ROBO2: variants seen among roughly 807,000 people sequenced by gnomAD.
ROBO2 encodes roundabout guidance receptor 2.
A neutral mutation model predicts 160.8 loss-of-function variants in ROBO2; 53 were observed. The observed-to-expected ratio is 0.33, with a 90% CI of 0.26 to 0.41. ROBO2 has a LOEUF of 0.41. ROBO2 is among the 10% of genes least tolerant of loss of function. The pLI, the probability that ROBO2 is intolerant of heterozygous loss-of-function variation, is 1.00. For synonymous variants in ROBO2, 664 were observed against 611.7 expected (o/e 1.09, Z -1.26); for missense variants, 1,577 against 1,722.4 (o/e 0.92, Z 1.49).
In ROBO2 at chr3:77,168,861, A is replaced by T. The variant is rs78602198; in HGVS notation, c.388+70521A>T. 6.2e-3 allele frequency among the ~76,000 whole-genome samples: 940 copies of T among 152,290 alleles called. 13 individuals carry two copies. The highest frequency in any genetic ancestry group is 0.021 in the African/African-American group (875 of 41,574). On this transcript the variant is annotated intron_variant, in intron 2 of 25. Transcript: ENST00000461745. ...TCTACCTCAGGGAAGGACCACATGT[A>T]ATGCCAGAGTCTGCAAACTTGGCAG...
chr3:77,172,841 A>G (rs2079770759), intron 2 of ROBO2, among the ~76,000 whole-genome samples: 1 of 152,204 alleles, frequency 6.6e-6, no homozygotes, highest in African/African-American at 2.4e-5. Flanking sequence ...TGTCTCAGAA[A>G]CCCAAGGCAG....
chr3:76,210,745 G>A (rs999918915), intron 2 of ROBO2, among the ~76,000 whole-genome samples: 1 of 152,026 alleles, frequency 6.6e-6, no homozygotes, highest in South Asian at 2.1e-4. Flanking sequence ...TGTTTATAAA[G>A]TATCTAATCA....
intron 2 of ROBO2, among the ~76,000 whole-genome samples, chr3:76,225,990 G>T (rs746986227): frequency 1.3e-5 from 2 of 152,060 alleles, no homozygotes; most frequent in Non-Finnish European, 2.9e-5. Flanking sequence ...TTGCCCAAAT[G>T]TGGAGATAAA....
intron 2 of ROBO2, among the ~76,000 whole-genome samples, chr3:76,968,095 G>A (rs540182383): frequency 5.9e-5 from 9 of 152,146 alleles, no homozygotes; most frequent in Non-Finnish European, 1.3e-4. Context: ...AAGAGAACCT[G>A]AATATCTTGA....
intron 2 of ROBO2, among the ~76,000 whole-genome samples, chr3:76,788,316 C>A (rs1300700053): frequency 6.6e-6 from 1 of 151,460 alleles, no homozygotes; most frequent in Non-Finnish European, 1.5e-5. Context: ...CCTTTCCTAC[C>A]TTAAATGGTA....
chr3:77,047,698 A>G (rs2064818899), intron 1 of ROBO2, among the ~76,000 whole-genome samples: 2 of 148,214 alleles, frequency 1.3e-5, no homozygotes, highest in South Asian at 4.2e-4. Flanking sequence ...AAAAATATAT[A>G]TAATGATATA....
intron 2 of ROBO2, among the ~76,000 whole-genome samples, chr3:76,498,099 GTGT>G (rs2080254263): frequency 6.6e-6 from 1 of 152,124 alleles, no homozygotes; most frequent in African/African-American, 2.4e-5. Flanking sequence ...GGTATGTTCA[GTGT>G]TGTAATTCTA....
chr3:76,382,291 T>C (rs911071436), intron 2 of ROBO2, among the ~76,000 whole-genome samples: 2 of 152,100 alleles, frequency 1.3e-5, no homozygotes, highest in African/African-American at 4.8e-5. Context: ...AGCATTTTTA[T>C]TGGTTAAAGC....
At chr3:77,598,339 A>G (rs1247451480) in intron 19 of ROBO2, among the ~76,000 whole-genome samples, 1 of 151,542 alleles carries the variant, frequency 6.6e-6, no homozygotes, top group African/African-American at 2.4e-5. Context: ...TGTCAGTACC[A>G]ACTATGAGAA....
chr3:76,733,944 C>G (rs2093672277), intron 2 of ROBO2, among the ~76,000 whole-genome samples: 1 of 152,158 alleles, frequency 6.6e-6, no homozygotes, highest in Non-Finnish European at 1.5e-5. Flanking sequence ...TGTTATATCT[C>G]TATGTGAAGG....
Position 76,885,454 on chromosome 3 carries a change from G to A in ROBO2, c.110-212560G>A, listed in dbSNP as rs184616537. Among the ~76,000 whole-genome samples, 11 of 152,140 alleles carry A rather than the reference G, an allele frequency of 7.2e-5. No homozygotes were observed. In the East Asian group the frequency reaches 1.6e-3, roughly 21 times the overall value. ...ATTATAAGATTTCAAATATCAAGCC[G>A]TACAAAAATAAAGCTGTTATACGTT... On this transcript the variant is annotated intron_variant, in intron 2 of 26. Transcript: ENST00000487694.
intron 2 of ROBO2, among the ~76,000 whole-genome samples, chr3:76,701,664 G>A (rs2093046877): frequency 6.6e-6 from 1 of 151,826 alleles, no homozygotes; most frequent in African/African-American, 2.4e-5. Context: ...ATCAATTCTG[G>A]CCCAATTTCC....
At position 76,640,825 on chromosome 3, in the gene ROBO2, C is replaced by T. The variant is rs915235063; in HGVS notation, c.110-457189C>T. ...GCAACATAATGGTGGAAAATAAGGA[C>T]GTTCTCAAAAAAAAGAATCAAGATA... On this transcript the variant is annotated intron_variant, in intron 2 of 26. Coordinates refer to the ROBO2 transcript ENST00000487694. Among the ~76,000 whole-genome samples, 111 of 151,682 alleles carry T rather than the reference C, an allele frequency of 7.3e-4. 1 individual carries two copies. Among genetic ancestry groups the T allele is most frequent in the Non-Finnish European group, 4.0e-4 (27 of 67,950 alleles).
intron 2 of ROBO2, among the ~76,000 whole-genome samples, chr3:76,804,891 C>A (rs1006920933): frequency 6.6e-6 from 1 of 152,088 alleles, no homozygotes; most frequent in Non-Finnish European, 1.5e-5. Context: ...TACCTGAATT[C>A]TTTCTATGTG....
At chr3:76,288,480 A>T (rs1708638288) in intron 2 of ROBO2, among the ~76,000 whole-genome samples, 1 of 151,632 alleles carries the variant, frequency 6.6e-6, no homozygotes, top group Non-Finnish European at 1.5e-5. Context: ...ATCAGACTAG[A>T]TCTTTTTTTT....
At chr3:76,469,750 C>A (rs955482319) in intron 2 of ROBO2, among the ~76,000 whole-genome samples, 4 of 152,078 alleles carry the variant, frequency 2.6e-5, no homozygotes, top group African/African-American at 9.7e-5. Flanking sequence ...TACTCCCGCA[C>A]CCCTATGGCT....
intron 2 of ROBO2, among the ~76,000 whole-genome samples, chr3:77,385,099 G>C (rs534032957): frequency 4.3e-4 from 66 of 152,282 alleles, no homozygotes; most frequent in African/African-American, 1.6e-3. Context: ...GCATGATCTT[G>C]GCTCACTGCA....
chr3:76,588,937 T>C (rs986018927), intron 2 of ROBO2, among the ~76,000 whole-genome samples: 1 of 152,242 alleles, frequency 6.6e-6, no homozygotes, highest in African/African-American at 2.4e-5. Context: ...AGTTTCAAGC[T>C]ATCTGAGCAC....
intron 2 of ROBO2, among the ~76,000 whole-genome samples, chr3:77,111,501 T>C (rs576291553): frequency 6.6e-6 from 1 of 152,316 alleles, no homozygotes; most frequent in Admixed American, 6.5e-5. Context: ...GAATTCATAT[T>C]TTGAGTGTCC....
Sources: gnomAD v4.1 joint callset for allele counts (sites outside exome capture counted in the v4.1 genomes callset) on GRCh38, gnomAD v4.1.1 for gene constraint, MANE v1.5 for transcripts, NCBI Gene and HGNC (gene_info 2026-07-23, HGNC 2026-07-21) for gene names.